Variants in FILIP1 observed in about 807,000 individuals in gnomAD.
FILIP1 encodes filamin A interacting protein 1.
In FILIP1, 61 loss-of-function variants were observed where a neutral mutation model predicts 102.1. The ratio of observed to expected loss-of-function variants is 0.60; its 90% confidence interval spans 0.49 to 0.74. The LOEUF is 0.74. Ranked by LOEUF, FILIP1 falls within the 30% of genes least tolerant of loss-of-function variation. FILIP1 has a pLI of 0.00. For synonymous variants in FILIP1, 491 were observed against 526.9 expected, an observed-to-expected ratio of 0.93 and a Z score of 0.93; for missense variants, 1,314 against 1,441.2, an observed-to-expected ratio of 0.91 and a Z score of 1.43.
chr6:75,358,692 A>ATATTTATT (rs1163172915), intron 3 of FILIP1: 2 of 148,098 alleles, frequency 1.4e-5, no homozygotes, highest in East Asian at 4.1e-4. Context: ...GGAATTGCCA[A>ATATTTATT]TATTTATTTA....
In FILIP1 at chr6:75,414,992, A is replaced by AT; in HGVS notation, c.-6-15dup. Reference sequence around the variant, plus strand: ...TCTCATTCCCACCTACAACACATACATAAAAAAAGATAAGATGTTCTTTAC... The same window carrying AT: ...TCTCATTCCCACCTACAACACATACATTAAAAAAAGATAAGATGTTCTTTAC... On this transcript the variant is annotated splice_polypyrimidine_tract_variant and intron_variant, in intron 1 of 5. Transcript: ENST00000237172. 6.3e-7 allele frequency: 1 copy of AT among 1,595,706 alleles called. No individual in the cohort carries two copies. The highest frequency in any genetic ancestry group is 8.5e-7 in the Non-Finnish European group (1 of 1,172,084).
rs765589504 is a variant in FILIP1 at position 75,313,688 on chromosome 6, G to A, written c.2144C>T (p.Ala715Val). The change falls in exon 5 of 6, where the codon GCT (alanine) becomes GTT (valine). Residue 715 changes from alanine to valine, a missense_variant. By Grantham distance (64) the Ala-to-Val change is moderately conservative. Transcript: ENST00000237172. This position sits in a 1 kb window ranked among gnomAD's most constrained non-coding sequence, Gnocchi z 4.2. ...ELRHRFRLEE[A>V]KSRDLKAEVQ... ...TTCGGCTTTTAAGTCTCGACTTTTA[G>A]CTTCTTCCAACCGAAATCTGTGTCT... 1.1e-5 allele frequency: 17 copies of A among 1,563,188 alleles called. No individual in the cohort carries two copies. Among genetic ancestry groups the A allele is most frequent in the Non-Finnish European group, 1.5e-5 (17 of 1,160,176 alleles).
intron 2 of FILIP1, among the ~76,000 whole-genome samples, chr6:75,393,811 T>C (rs1776363099): frequency 6.6e-6 from 1 of 152,192 alleles, no homozygotes; most frequent in African/African-American, 2.4e-5. Context: ...TTCTGTTGGG[T>C]TCTGCTAATT....
Position 75,382,495 on chromosome 6 carries a change from T to C in FILIP1, c.277-19578A>G, listed in dbSNP as rs369952872. On this transcript the variant is annotated intron_variant, in intron 2 of 5. Transcript: ENST00000237172. Reference sequence around the variant, plus strand: ...CATAATTAATTATCTGTAGTTTGATTCTGGGCCAGAAAATTCTCAAGGCAC... The same window carrying C: ...CATAATTAATTATCTGTAGTTTGATCCTGGGCCAGAAAATTCTCAAGGCAC... 3.9e-5 allele frequency among the ~76,000 whole-genome samples: 6 copies of C among 152,310 alleles called. No individual in the cohort carries two copies. The South Asian group carries it at 1.0e-3, about 26-fold the overall frequency.
chr6:75,367,142 T>C (rs188254712), intron 2 of FILIP1, among the ~76,000 whole-genome samples: 66 of 152,286 alleles, frequency 4.3e-4, no homozygotes, highest in African/African-American at 1.6e-3. Flanking sequence ...ACCTATTCCT[T>C]TCCTCCCCCG....
chr6:75,455,656 T>C (rs146249718), intron 1 of FILIP1, among the ~76,000 whole-genome samples: 4 of 152,312 alleles, frequency 2.6e-5, no homozygotes, highest in Admixed American at 6.5e-5. Flanking sequence ...ACAGCTTGAC[T>C]TCCTCAAGGT....
In FILIP1 at chr6:75,466,408, G is replaced by T. The variant is rs188447108; in HGVS notation, c.-7+27006C>A. On this transcript the variant is annotated intron_variant, in intron 1 of 5. Coordinates refer to ENST00000237172, the MANE Select transcript of FILIP1 (RefSeq NM_015687.5). ...TTTGATAAATATTTCTTGAGTTAAT[G>T]AATGGATAAATGAATGCAGTGTTTT... is the stretch of plus-strand genomic sequence containing the variant. 1.1e-3 allele frequency among the ~76,000 whole-genome samples: 164 copies of T among 152,288 alleles called. 1 individual carries two copies. Among genetic ancestry groups the T allele is most frequent in the African/African-American group, 3.9e-3 (161 of 41,574 alleles).
intron 4 of FILIP1, among the ~76,000 whole-genome samples, chr6:75,333,202 AAG>A (rs1234100126): frequency 2.7e-4 from 41 of 152,296 alleles, no homozygotes; most frequent in African/African-American, 8.9e-4. Flanking sequence ...ATGACATTTA[AAG>A]GTCTTTTAAA....
chr6:75,356,770 A>G lies in FILIP1; in HGVS notation c.451-3053T>C, dbSNP rs6932845. Among the ~76,000 whole-genome samples, 905 of 152,202 alleles carry G rather than the reference A, an allele frequency of 5.9e-3. 6 individuals carry two copies. Among genetic ancestry groups the G allele is most frequent in the African/African-American group, 0.021 (875 of 41,540 alleles). ...AGGCATGAGCCACCGCGGCTGGTCA[A>G]TTTTTGTAGTCTTAAAGGGACAGTC... On this transcript the variant is annotated intron_variant, in intron 3 of 5. Transcript: ENST00000237172.
exon 7 of FILIP1, chr6:75,293,934 C>G (rs1435743888): frequency 1.3e-5 from 2 of 152,100 alleles, no homozygotes; most frequent in Non-Finnish European, 2.9e-5. Flanking sequence ...AGTAACAATT[C>G]TAAAAAATCA....
intron 1 of FILIP1, among the ~76,000 whole-genome samples, chr6:75,453,802 A>G (rs1778722355): frequency 6.6e-6 from 1 of 152,146 alleles, no homozygotes; most frequent in East Asian, 1.9e-4. Context: ...AAAGGGAGAA[A>G]GAGAAAAAAA....
At chr6:75,486,914 T>C (rs771169320) in intron 1 of FILIP1, among the ~76,000 whole-genome samples, 1 of 152,080 alleles carries the variant, frequency 6.6e-6, no homozygotes, top group Non-Finnish European at 1.5e-5. Flanking sequence ...TTATTACTTA[T>C]GGAATGAGCA....
At chr6:75,315,588 A>G (rs1242559843) in intron 4 of FILIP1, among the ~76,000 whole-genome samples, 2 of 152,222 alleles carry the variant, frequency 1.3e-5, no homozygotes, top group East Asian at 1.9e-4. Flanking sequence ...AATAATGACT[A>G]TTTACATAAT....
chr6:75,422,728 T>C (rs547960875), intron 1 of FILIP1, among the ~76,000 whole-genome samples: 6 of 152,294 alleles, frequency 3.9e-5, no homozygotes, highest in Admixed American at 2.0e-4. Flanking sequence ...CTGATAGACA[T>C]TGGTGCAAAA....
chr6:75,363,336 AC>A (rs1201555887), intron 2 of FILIP1, among the ~76,000 whole-genome samples: 1 of 152,092 alleles, frequency 6.6e-6, no homozygotes, highest in Non-Finnish European at 1.5e-5. Flanking sequence ...TTAAAATAAA[AC>A]CCTGCTGCCT....
intron 1 of FILIP1, chr6:75,455,347 T>C: frequency 8.3e-6 from 1 of 120,784 alleles, no homozygotes; most frequent in South Asian, 2.7e-4. Context: ...ACATCACAAC[T>C]TGAAAGACAA....
At chr6:75,385,019 G>C (rs1328730434) in intron 2 of FILIP1, 1 of 148,786 alleles carries the variant, frequency 6.7e-6, no homozygotes, top group Non-Finnish European at 1.5e-5. Flanking sequence ...GGTTGGTCTG[G>C]AACTCCTGGC....
intron 2 of FILIP1, among the ~76,000 whole-genome samples, chr6:75,383,409 T>C (rs903561574): frequency 6.6e-5 from 10 of 152,202 alleles, no homozygotes; most frequent in African/African-American, 2.4e-4. Flanking sequence ...AATTGTGCTC[T>C]CTCTGAATGA....
intron 1 of FILIP1, among the ~76,000 whole-genome samples, chr6:75,428,096 T>C (rs1334669813): frequency 6.6e-6 from 1 of 152,156 alleles, no homozygotes; most frequent in African/African-American, 2.4e-5. Flanking sequence ...AGCAGACATA[T>C]CTTTTTCCTC....
Sources: gnomAD v4.1 joint callset for allele counts (sites outside exome capture counted in the v4.1 genomes callset) on GRCh38, gnomAD v4.1.1 for gene constraint, Gnocchi (gnomAD v3.1) non-coding constraint, MANE v1.5 for transcripts, NCBI Gene and HGNC (gene_info 2026-07-23, HGNC 2026-07-21) for gene names.